The following FBXL17 variants were observed in gnomAD, a reference collection of about 807,000 sequenced individuals.
FBXL17 encodes the protein F-box and leucine rich repeat protein 17.
FBXL17 carries 22 observed loss-of-function variants against 66.2 expected under a neutral mutation model. That is an observed-to-expected ratio of 0.33 (90% CI 0.24 to 0.47). FBXL17 has a LOEUF of 0.47. Among genes scored for constraint, FBXL17 ranks in the 20% least tolerant of loss-of-function variants. The probability of loss-of-function intolerance (pLI) is 1.00; values close to 1 mark genes in which losing one functional copy is unlikely to be tolerated. For synonymous variants in FBXL17, 474 were observed against 400.5 expected, an observed-to-expected ratio of 1.18 and a Z score of -2.19; for missense variants, 878 against 948.2, an observed-to-expected ratio of 0.93 and a Z score of 0.97.
intron 6 of FBXL17, among the ~76,000 whole-genome samples, chr5:108,133,664 G>A (rs1384364282): frequency 6.6e-6 from 1 of 151,950 alleles, no homozygotes; most frequent in African/African-American, 2.4e-5. Flanking sequence ...AGGAAAAAAC[G>A]TTGGTCTATA....
At chr5:107,925,671 C>G (rs769578230) in intron 7 of FBXL17, among the ~76,000 whole-genome samples, 1 of 152,142 alleles carries the variant, frequency 6.6e-6, no homozygotes, top group Non-Finnish European at 1.5e-5. Context: ...AACCCCCAAG[C>G]GGGAATGAGC....
At chr5:108,298,089 G>C (rs1561513997) in intron 4 of FBXL17, 1 of 968,664 alleles carries the variant, frequency 1.0e-6, no homozygotes, top group African/African-American at 1.8e-5. Context: ...ACCCATGTAG[G>C]GCTTATATTA....
intron 6 of FBXL17, among the ~76,000 whole-genome samples, chr5:108,103,767 T>TA (rs879373948): frequency 2.9e-3 from 443 of 152,312 alleles, no homozygotes; most frequent in Non-Finnish European, 3.9e-3. Flanking sequence ...GCTTTTATTA[T>TA]AGTTAAAAGG....
At position 107,933,654 on chromosome 5, in the gene FBXL17, C is replaced by T. The variant is rs115657578; in HGVS notation, c.1823-52475G>A. Among the ~76,000 whole-genome samples the T allele has an allele frequency of 2.1e-3, 320 of 152,184 alleles. 2 individuals carry two copies. The highest frequency in any genetic ancestry group is 7.4e-3 in the African/African-American group (309 of 41,534). On this transcript the variant is annotated intron_variant, in intron 7 of 8. Coordinates refer to ENST00000542267, the MANE Select transcript of FBXL17 (RefSeq NM_001163315.3). ...ACAGAAATGCATACAATTCTATTTC[C>T]TTTCTTTTTACCAATTTGTCTTTGA...
chr5:108,067,666 T>C (rs1748168852), intron 6 of FBXL17, among the ~76,000 whole-genome samples: 1 of 152,174 alleles, frequency 6.6e-6, no homozygotes. Context: ...TTTGTATTTG[T>C]AGTTTTTTAT....
At chr5:108,282,626 C>G (rs930638776) in intron 4 of FBXL17, among the ~76,000 whole-genome samples, 1 of 151,596 alleles carries the variant, frequency 6.6e-6, no homozygotes, top group Non-Finnish European at 1.5e-5. Context: ...ACCCACTTTA[C>G]TATTCCTATT....
chr5:108,258,900 C>T (rs1024054346), intron 4 of FBXL17, among the ~76,000 whole-genome samples: 1 of 151,816 alleles, frequency 6.6e-6, no homozygotes, highest in Non-Finnish European at 1.5e-5. Context: ...AATAGAAAAA[C>T]TAAACATAAT....
At chr5:107,946,648 C>CCT (rs1751309928) in intron 7 of FBXL17, among the ~76,000 whole-genome samples, 1 of 151,504 alleles carries the variant, frequency 6.6e-6, no homozygotes, top group Admixed American at 6.6e-5. Flanking sequence ...ATCTTGAAAT[C>CCT]TTTGTCAGGG....
At position 108,127,481 on chromosome 5, in the gene FBXL17, C is replaced by T. The variant is rs1406605772; in HGVS notation, c.1745+58636G>A. Among the ~76,000 whole-genome samples the T allele has an allele frequency of 2.0e-5, 3 of 152,182 alleles. No homozygotes were observed. The East Asian group carries it at 5.8e-4, about 29-fold the overall frequency. ...TAAATAAAATGCACAGTCAAATTGG[C>T]ATAAGTGACAGGACTTTGGGTTTCA... is the stretch of plus-strand genomic sequence containing the variant. On this transcript the variant is annotated intron_variant, in intron 6 of 8. Transcript: ENST00000542267.
At chr5:108,216,703 G>A (rs999900516) in intron 5 of FBXL17, among the ~76,000 whole-genome samples, 11 of 152,108 alleles carry the variant, frequency 7.2e-5, no homozygotes, top group African/African-American at 2.7e-4. Context: ...GGGTCCCAGA[G>A]AGGCCCCCGC....
intron 1 of FBXL17, 138 bp from the exon 2 acceptor site, chr5:108,368,091 C>A: frequency 2.7e-6 from 2 of 748,632 alleles, no homozygotes. Context: ...TGTAAGTCAC[C>A]GTAAGAGATC....
intron 7 of FBXL17, among the ~76,000 whole-genome samples, chr5:107,932,738 T>G (rs529777379): frequency 3.9e-5 from 6 of 152,254 alleles, no homozygotes; most frequent in Non-Finnish European, 7.4e-5. Flanking sequence ...AAAATATGTT[T>G]AAAGAGATAC....
At chr5:108,100,210 C>A (rs1475251407) in intron 6 of FBXL17, among the ~76,000 whole-genome samples, 1 of 152,066 alleles carries the variant, frequency 6.6e-6, no homozygotes, top group Non-Finnish European at 1.5e-5. Flanking sequence ...TTCTAAAGTA[C>A]CTTAGATCTT....
chr5:107,951,078 C>T (rs889113308), intron 7 of FBXL17, among the ~76,000 whole-genome samples: 12 of 152,126 alleles, frequency 7.9e-5, no homozygotes, highest in African/African-American at 2.4e-4. Flanking sequence ...GAGCTGAGCA[C>T]AGTTGCTGCT....
chr5:108,201,448 T>C (rs1333316931), intron 5 of FBXL17, among the ~76,000 whole-genome samples: 1 of 152,106 alleles, frequency 6.6e-6, no homozygotes, highest in Admixed American at 6.6e-5. Context: ...ATAGTTTAAT[T>C]AATTAAAAAT....
At chr5:107,933,055 T>C (rs182955384) in intron 7 of FBXL17, among the ~76,000 whole-genome samples, 307 of 152,264 alleles carry the variant, frequency 2.0e-3, no homozygotes, top group African/African-American at 7.0e-3. Context: ...GGTCCAGCAG[T>C]GGAAGCTTGG....
chr5:108,365,078 AAAC>A (rs1175687833), intron 2 of FBXL17, 83 bp from the exon 3 acceptor site: 26 of 945,724 alleles, frequency 2.7e-5, no homozygotes, highest in Non-Finnish European at 4.1e-5. Context: ...GTTCCACAAT[AAAC>A]AATATACTAA....
intron 6 of FBXL17, among the ~76,000 whole-genome samples, chr5:108,154,287 GAA>G (rs56042627): frequency 0.33 from 32,271 of 97,898 alleles, 5,223 homozygotes; most frequent in Admixed American, 0.43. Flanking sequence ...GATCACAGCT[GAA>G]AAAAAAAAAA....
intron 6 of FBXL17, among the ~76,000 whole-genome samples, chr5:108,117,295 T>A (rs1272531530): frequency 6.6e-6 from 1 of 152,142 alleles, no homozygotes; most frequent in Non-Finnish European, 1.5e-5. Context: ...ATATTGGGGG[T>A]TACAATTTGA....
Sources: allele counts gnomAD v4.1 joint callset (sites outside exome capture counted in the v4.1 genomes callset), GRCh38; gene constraint gnomAD v4.1.1; transcripts MANE v1.5; gene names NCBI Gene and HGNC (gene_info 2026-07-23, HGNC 2026-07-21).